ZNF639: variants seen among roughly 807,000 people sequenced by gnomAD.
The protein encoded by ZNF639 is zinc finger amplified in esophageal squamous cell carcinomas 1.
In ZNF639, 20 loss-of-function variants were observed where a neutral mutation model predicts 39.8. That is an observed-to-expected ratio of 0.50 (90% CI 0.35 to 0.73). ZNF639 has a LOEUF of 0.73. Ranked by LOEUF, ZNF639 falls within the 30% of genes least tolerant of loss-of-function variation. ZNF639 has a pLI of 0.00. For missense variants in ZNF639, 477 were observed against 566.2 expected (o/e 0.84, Z 1.60); for synonymous variants, 176 against 189.8 (o/e 0.93, Z 0.60).
At position 179,323,605 on chromosome 3, in the gene ZNF639, C is replaced by A. The variant is rs1005778879; in HGVS notation, c.-83+314C>A. The stretch of plus-strand genomic sequence containing the variant: ...CCCGGGCGAAGCTGGTGCGTGGCGC[C>A]GGGGTGGAGGCGGCTAAGTCCCAGG... On this transcript the variant is annotated intron_variant, in intron 1 of 5. Coordinates refer to ENST00000496856, the MANE Select transcript of ZNF639 (RefSeq NM_001303426.2). Among the ~76,000 whole-genome samples the A allele has an allele frequency of 2.0e-5, 3 of 152,156 alleles. No individual in the cohort carries two copies. In the East Asian group the frequency reaches 5.8e-4, roughly 29 times the overall value.
chr3:179,323,098 C>A lies in ZNF639; in HGVS notation c.-276C>A, dbSNP rs958393575. The A allele has an allele frequency of 5.1e-6, 5 of 984,742 alleles. No individual in the cohort carries two copies. The highest frequency in any genetic ancestry group is 6.0e-6 in the Non-Finnish European group (5 of 829,966). 61.0% of individuals were successfully genotyped at this position (984,742 alleles called of 1,614,324 possible). A position where few individuals can be genotyped will look rare whatever the true frequency, so the allele number is the denominator to read the frequency against. On this transcript the variant is annotated 5_prime_UTR_variant, in exon 1 of 6. Coordinates refer to ENST00000496856, the MANE Select transcript of ZNF639 (RefSeq NM_001303426.2). ...GCGGCCGCGGAGCCTAGGCCAGGGG[C>A]CTGGCGCTCAGGGCGTGGGGCGCGC... is the stretch of plus-strand genomic sequence containing the variant.
chr3:179,324,025 G>A (rs1727438519), intron 1 of ZNF639, among the ~76,000 whole-genome samples: 1 of 152,200 alleles, frequency 6.6e-6, no homozygotes, highest in African/African-American at 2.4e-5. Context: ...CTCCACGTTG[G>A]ACATGTAGTG....
At position 179,329,624 on chromosome 3, in the gene ZNF639, C is replaced by G. The variant is rs762919128; in HGVS notation, c.65C>G (p.Ser22Cys). The G allele has an allele frequency of 6.3e-7, 1 of 1,595,452 alleles. No individual in the cohort carries two copies. Among genetic ancestry groups the G allele is most frequent in the East Asian group, 2.2e-5 (1 of 44,488 alleles). ...TLHPSRYSDS[S>C]GISRIADGFN... is the part of the protein sequence containing the mutation. ...TTTTTCATTTTATGTTCAGATTCCT[C>G]TGGAATAAGCAGAATTGCAGATGGA... The change falls in exon 4 of 6, where the codon TCT becomes TGT. Residue 22 changes from serine (S) to cysteine (C), a missense_variant. Ser to Cys is a moderately radical substitution (Grantham distance 112). Transcript: ENST00000496856.
chr3:179,337,258 C>CAA lies in ZNF639; in HGVS notation c.*2847_*2848dup, dbSNP rs549313818. ...CCTGGGTGACAGAGTGAGACTGTCT[C>CAA]AAAAAAAAAAAAGAAAAGAAGAAAA... On this transcript the variant is annotated 3_prime_UTR_variant, in exon 6 of 6. Transcript: ENST00000496856. The CAA allele has an allele frequency of 5.1e-4, 65 of 127,468 alleles. No individual in the cohort carries two copies. The East Asian group carries it at 6.2e-3, about 12-fold the overall frequency. The allele number at this position is 127,468 out of a possible 1,614,324, so 7.9% of individuals were successfully genotyped here. A position where few individuals can be genotyped will look rare whatever the true frequency, so the allele number is the denominator to read the frequency against.
intron 4 of ZNF639, among the ~76,000 whole-genome samples, chr3:179,332,609 C>T (rs1347756055): frequency 6.6e-6 from 1 of 152,170 alleles, no homozygotes; most frequent in African/African-American, 2.4e-5. Flanking sequence ...GCAGACTGAG[C>T]AAAACTTGGT....
rs534736430 is a variant in ZNF639, at chr3:179,338,474, T to C, written c.*4052T>C. Reference sequence around the variant, plus strand: ...TCTTACGTTTCTCTGAATTGTATATTATTTGTCAATTTCACAGTTTCTATA... The same window carrying C: ...TCTTACGTTTCTCTGAATTGTATATCATTTGTCAATTTCACAGTTTCTATA... On this transcript the variant is annotated 3_prime_UTR_variant, in exon 6 of 6. Coordinates refer to ENST00000496856, the MANE Select transcript of ZNF639 (RefSeq NM_001303426.2). The C allele has an allele frequency of 6.6e-6, 1 of 152,320 alleles. No homozygotes were observed. Among genetic ancestry groups the C allele is most frequent in the South Asian group, 2.1e-4 (1 of 4,832 alleles). 9.4% of individuals were successfully genotyped at this position (152,320 alleles called of 1,614,324 possible). A position where few individuals can be genotyped will look rare whatever the true frequency, so the allele number is the denominator to read the frequency against.
rs1727381173 is a variant in ZNF639, at chr3:179,323,233, G to C, written c.-141G>C. 2.0e-6 allele frequency: 2 copies of C among 985,130 alleles called. No homozygotes were observed. Among genetic ancestry groups the C allele is most frequent in the African/African-American group, 1.7e-5 (1 of 57,178 alleles). 61.0% of individuals were successfully genotyped at this position (985,130 alleles called of 1,614,324 possible). On this transcript the variant is annotated 5_prime_UTR_variant, in exon 1 of 6. Coordinates refer to ENST00000496856, the MANE Select transcript of ZNF639 (RefSeq NM_001303426.2). ...AGGACCGCGCGGCCCCTCCGCCTGC[G>C]CTCTCGGCCGCCGCCGCCTCTGCGT...
In ZNF639 at chr3:179,333,055, A is replaced by G. The variant is rs1728003338; in HGVS notation, c.236A>G (p.Asn79Ser). The change falls in exon 5 of 6, where the codon AAC becomes AGC. Residue 79 changes from asparagine to serine, a missense_variant. By Grantham distance (46) the Asn-to-Ser change is conservative. Coordinates refer to ENST00000496856, the MANE Select transcript of ZNF639 (RefSeq NM_001303426.2). ...PKFADGIKARNRNQNYLVPSP... is the reference protein window; with the variant it reads ...PKFADGIKARSRNQNYLVPSP... The stretch of plus-strand genomic sequence containing the variant: ...TTTGCAGATGGAATCAAGGCCAGAA[A>G]CAGAAATCAGAACTACCTGGTTCCC... The G allele has an allele frequency of 2.5e-6, 4 of 1,573,960 alleles. No individual in the cohort carries two copies. The highest frequency in any genetic ancestry group is 1.4e-5 in the African/African-American group (1 of 73,602).
chr3:179,323,251 C>A lies in ZNF639; in HGVS notation c.-123C>A. The A allele has an allele frequency of 5.1e-6, 5 of 985,386 alleles. No individual in the cohort carries two copies. Among genetic ancestry groups the A allele is most frequent in the Non-Finnish European group, 6.0e-6 (5 of 830,056 alleles). 61.0% of individuals were successfully genotyped at this position (985,386 alleles called of 1,614,324 possible). On this transcript the variant is annotated 5_prime_UTR_variant, in exon 1 of 6. Transcript: ENST00000496856. Reference sequence around the variant, plus strand: ...CGCCTGCGCTCTCGGCCGCCGCCGCCTCTGCGTGGGCCGGCCGGGAGGGCC... The same window carrying A: ...CGCCTGCGCTCTCGGCCGCCGCCGCATCTGCGTGGGCCGGCCGGGAGGGCC...
chr3:179,332,846 A>G, intron 4 of ZNF639, 143 bp from the exon 5 acceptor site: 2 of 1,192,812 alleles, frequency 1.7e-6, no homozygotes, highest in East Asian at 2.7e-5. Flanking sequence ...TGAGGTATAT[A>G]GATAACTTAT....
chr3:179,326,527 A>G (rs1290312730), intron 1 of ZNF639, among the ~76,000 whole-genome samples: 2 of 152,232 alleles, frequency 1.3e-5, no homozygotes, highest in East Asian at 3.8e-4. Context: ...ATACGATTAC[A>G]TAGGATTAAA....
Position 179,331,690 on chromosome 3 carries a change from G to T in ZNF639, c.170-1299G>T, listed in dbSNP as rs190684704. The stretch of plus-strand genomic sequence containing the variant: ...CTCGGGAGGCTGAGGCAGGAGAATT[G>T]CTTGAACCTGGGAGGCGGAGGTTGT... On this transcript the variant is annotated intron_variant, in intron 4 of 5. Transcript: ENST00000496856. Among the ~76,000 whole-genome samples, 330 of 149,126 alleles carry T rather than the reference G, an allele frequency of 2.2e-3. 1 individual carries two copies. The Middle Eastern group carries it at 0.028, about 13-fold the overall frequency.
At chr3:179,333,183 G>T in intron 5 of ZNF639, 60 bp downstream of exon 5, 2 of 1,560,814 alleles carry the variant, frequency 1.3e-6, no homozygotes, top group South Asian at 1.2e-5. Flanking sequence ...TAAAAAAAGT[G>T]CATGCAATAA....
chr3:179,329,690 C>G lies in ZNF639; in HGVS notation c.131C>G (p.Ser44Cys), dbSNP rs767208752. The G allele has an allele frequency of 3.7e-6, 6 of 1,605,264 alleles. No individual in the cohort carries two copies. Among genetic ancestry groups the G allele is most frequent in the South Asian group, 1.1e-5 (1 of 89,170 alleles). The change falls in exon 4 of 6, where the codon TCT becomes TGT. Residue 44 changes from serine (S) to cysteine (C), a missense_variant. Ser to Cys is a moderately radical substitution (Grantham distance 112, BLOSUM62 -1). Coordinates refer to ENST00000496856, the MANE Select transcript of ZNF639 (RefSeq NM_001303426.2). Reference sequence around the variant, plus strand: ...TCTGATCATTGTTACAGTGTCTGTTCTATGAGACAGCCAGATTTAAAATAT... The same window carrying G: ...TCTGATCATTGTTACAGTGTCTGTTGTATGAGACAGCCAGATTTAAAATAT... ...IFSDHCYSVC[S>C]MRQPDLKYFD...
intron 4 of ZNF639, among the ~76,000 whole-genome samples, chr3:179,331,018 G>A (rs1469247216): frequency 6.6e-6 from 1 of 152,182 alleles, no homozygotes; most frequent in Non-Finnish European, 1.5e-5. Context: ...CCCAGCTCTT[G>A]GTTTCTAATG....
At position 179,334,087 on chromosome 3, in the gene ZNF639, G is replaced by T; in HGVS notation, c.1123G>T (p.Val375Leu). ...CTTTGACAAATGTAAAAACTTCTTTGTATGTCAAGTATGTGGTTTTCGGAG... is the reference window on the plus strand; with the variant it reads ...CTTTGACAAATGTAAAAACTTCTTTTTATGTCAAGTATGTGGTTTTCGGAG... ...ITFDKCKNFF[V>L]CQVCGFRSRL... Residue 375 changes from valine to leucine, a missense_variant, in exon 6 of 6, where the codon GTA becomes TTA. Transcript: ENST00000496856. The T allele has an allele frequency of 6.2e-7, 1 of 1,613,692 alleles. No homozygotes were observed. The highest frequency in any genetic ancestry group is 1.1e-5 in the South Asian group (1 of 91,004).
Position 179,335,314 on chromosome 3 carries a change from A to G in ZNF639, c.*892A>G, listed in dbSNP as rs1711501465. 1 of 151,888 alleles carries G rather than the reference A, an allele frequency of 6.6e-6. No individual in the cohort carries two copies. The highest frequency in any genetic ancestry group is 2.4e-5 in the African/African-American group (1 of 41,306). The allele number at this position is 151,888 out of a possible 1,614,324, so 9.4% of individuals were successfully genotyped here. A position where few individuals can be genotyped will look rare whatever the true frequency, so the allele number is the denominator to read the frequency against. On this transcript the variant is annotated 3_prime_UTR_variant, in exon 6 of 6. Coordinates refer to ENST00000496856, the MANE Select transcript of ZNF639 (RefSeq NM_001303426.2). ...GCTATGTTGCCCAGGCCAGTCTCAA[A>G]CTCCTGGACTCAAGCAATCCTCCCA...
chr3:179,334,467 C>T lies in ZNF639; in HGVS notation c.*45C>T. The T allele has an allele frequency of 7.1e-7, 1 of 1,409,260 alleles. No homozygotes were observed. The highest frequency in any genetic ancestry group is 1.7e-5 in the South Asian group (1 of 59,402). 87.3% of individuals were successfully genotyped at this position (1,409,260 alleles called of 1,614,324 possible). A position where few individuals can be genotyped will look rare whatever the true frequency, so the allele number is the denominator to read the frequency against. ...GAATGTTAGTTTAAAATAATAAATT[C>T]ATCCTTTTTTTGGAGATGATTAAAT... On this transcript the variant is annotated 3_prime_UTR_variant, in exon 6 of 6. Transcript: ENST00000496856.
rs1727369113 is a variant in ZNF639, at chr3:179,323,084, G to C, written c.-290G>C. The C allele has an allele frequency of 1.0e-6, 1 of 984,964 alleles. No individual in the cohort carries two copies. Among genetic ancestry groups the C allele is most frequent in the Non-Finnish European group, 1.2e-6 (1 of 830,034 alleles). The allele number at this position is 984,964 out of a possible 1,614,324, so 61.0% of individuals were successfully genotyped here. Reference sequence around the variant, plus strand: ...GCGGCCAGGGCAGTGCGGCCGCGGAGCCTAGGCCAGGGGCCTGGCGCTCAG... The same window carrying C: ...GCGGCCAGGGCAGTGCGGCCGCGGACCCTAGGCCAGGGGCCTGGCGCTCAG... On this transcript the variant is annotated 5_prime_UTR_variant, in exon 1 of 6. Transcript: ENST00000496856.
Sources: gnomAD v4.1 joint callset for allele counts (sites outside exome capture counted in the v4.1 genomes callset) on GRCh38, gnomAD v4.1.1 for gene constraint, MANE v1.5 for transcripts, NCBI Gene and HGNC (gene_info 2026-07-23, HGNC 2026-07-21) for gene names.